KCNG2: variants seen among roughly 807,000 people sequenced by gnomAD.
KCNG2 encodes potassium voltage-gated channel modifier subfamily G member 2.
A neutral mutation model predicts 12.3 loss-of-function variants in KCNG2; 7 were observed. That is an observed-to-expected ratio of 0.57 (90% CI 0.32 to 1.07). KCNG2 has a LOEUF of 1.07. Among genes scored for constraint, KCNG2 ranks in the 50% least tolerant of loss-of-function variants. KCNG2 has a pLI of 0.04. For missense variants in KCNG2, 703 were observed against 726.0 expected, an observed-to-expected ratio of 0.97 and a Z score of 0.36; for synonymous variants, 414 against 351.4, an observed-to-expected ratio of 1.18 and a Z score of -1.99.
chr18:79,874,159 G>A (rs921655337), intron 3 of KCNG2, among the ~76,000 whole-genome samples: 1 of 152,242 alleles, frequency 6.6e-6, no homozygotes, highest in African/African-American at 2.4e-5. Context: ...CACAGGCTGA[G>A]GTAGGGATTC....
At chr18:79,798,477 G>T (rs1454027530) in intron 1 of KCNG2, among the ~76,000 whole-genome samples, 2 of 152,200 alleles carry the variant, frequency 1.3e-5, no homozygotes, top group Non-Finnish European at 2.9e-5. Flanking sequence ...GGGCGCACCC[G>T]GCTCGCGCGG....
At chr18:79,845,077 AC>A (rs2123041336) in intron 1 of KCNG2, among the ~76,000 whole-genome samples, 1 of 152,272 alleles carries the variant, frequency 6.6e-6, no homozygotes, top group East Asian at 1.9e-4. Context: ...ATGGAATACT[AC>A]TCTGCAGTAA....
intron 1 of KCNG2, among the ~76,000 whole-genome samples, chr18:79,849,729 G>A (rs566778471): frequency 9.8e-5 from 15 of 152,370 alleles, no homozygotes; most frequent in African/African-American, 3.6e-4. Flanking sequence ...TTGTTCTTGC[G>A]TGGCTGGGGG....
Position 79,899,448 on chromosome 18 carries a change from C to T in KCNG2, c.1033C>T (p.Arg345Cys), listed in dbSNP as rs945606409. 6 of 1,598,104 alleles carry T rather than the reference C, an allele frequency of 3.8e-6. No individual in the cohort carries two copies. The highest frequency in any genetic ancestry group is 2.3e-5 in the East Asian group (1 of 44,176). The change falls in exon 4 of 4, where the codon CGC (arginine) becomes TGC (cysteine). Residue 345 changes from arginine (R) to cysteine (C), a missense_variant. By Grantham distance (180) the Arg-to-Cys change is radical (BLOSUM62 -3). Transcript: ENST00000316249. Reference protein sequence around the residue: ...LFAPLVHLAERELGARRDFSS... With the variant: ...LFAPLVHLAECELGARRDFSS... Reference sequence around the variant, plus strand: ...CGCGCCACTGGTGCACCTGGCCGAGCGCGAGCTGGGCGCGCGCCGCGACTT... The same window carrying T: ...CGCGCCACTGGTGCACCTGGCCGAGTGCGAGCTGGGCGCGCGCCGCGACTT...
At chr18:79,860,078 C>G (rs1979157839) in intron 2 of KCNG2, among the ~76,000 whole-genome samples, 1 of 152,312 alleles carries the variant, frequency 6.6e-6, no homozygotes, top group East Asian at 1.9e-4. Context: ...AAAGGGGGAG[C>G]AGGCACGTTA....
At chr18:79,888,448 G>A (rs1255429459) in intron 3 of KCNG2, among the ~76,000 whole-genome samples, 3 of 98,270 alleles carry the variant, frequency 3.1e-5, no homozygotes, top group Non-Finnish European at 5.3e-5. Context: ...GGACGGCGGC[G>A]TCCTCCTCAT....
intron 2 of KCNG2, among the ~76,000 whole-genome samples, chr18:79,857,150 C>G (rs1440884766): frequency 7.6e-6 from 1 of 130,946 alleles, no homozygotes; most frequent in Admixed American, 7.3e-5. Flanking sequence ...CAGGCCATGT[C>G]CTTGGCATGG....
chr18:79,865,992 T>C (rs1435725414), intron 3 of KCNG2, among the ~76,000 whole-genome samples: 12 of 123,228 alleles, frequency 9.7e-5, no homozygotes, highest in East Asian at 2.5e-4. Context: ...GTCTGGGTGC[T>C]GAGGTCTGGG....
intron 2 of KCNG2, among the ~76,000 whole-genome samples, chr18:79,858,351 G>A (rs535123309): frequency 1.3e-5 from 2 of 152,284 alleles, no homozygotes; most frequent in East Asian, 3.9e-4. Flanking sequence ...TTTTCTGCCT[G>A]GCTTCTTTCT....
intron 1 of KCNG2, among the ~76,000 whole-genome samples, chr18:79,808,036 A>C (rs1480351235): frequency 2.3e-5 from 3 of 128,732 alleles, no homozygotes; most frequent in Admixed American, 2.3e-4. Context: ...CGCTGACCAC[A>C]CTCCACGTTA....
rs1979328959 is a variant in KCNG2 at position 79,863,853 on chromosome 18, C to T, written c.186C>T (p.Tyr62=). Residue 62 remains tyrosine (Y), a synonymous_variant, in exon 3 of 4, where the codon TAC becomes TAT. Transcript: ENST00000316249. ...ACCTGCTGCGCGTGTGTGACGACTA[C>T]GACGTGAGCCGCGACGAGTTCTTCT... is the stretch of plus-strand genomic sequence containing the variant. The part of the protein sequence containing the change: ...HDDLLRVCDD[Y]DVSRDEFFFD... The T allele has an allele frequency of 2.7e-6, 4 of 1,466,452 alleles. No homozygotes were observed. The highest frequency in any genetic ancestry group is 3.6e-6 in the Non-Finnish European group (4 of 1,106,234). 90.8% of individuals were successfully genotyped at this position (1,466,452 alleles called of 1,614,324 possible).
At chr18:79,873,014 G>C (rs1487899318) in intron 3 of KCNG2, among the ~76,000 whole-genome samples, 1 of 152,194 alleles carries the variant, frequency 6.6e-6, no homozygotes, top group Non-Finnish European at 1.5e-5. Flanking sequence ...TCAGTGTGCA[G>C]AAATAGTGGG....
chr18:79,798,054 CGCG>C (rs1191439617), intron 1 of KCNG2, among the ~76,000 whole-genome samples, 40 bp downstream of exon 1: 2 of 146,104 alleles, frequency 1.4e-5, no homozygotes, highest in Non-Finnish European at 3.0e-5. Flanking sequence ...GTGGGGGGTC[CGCG>C]GCGAAGGAGC....
At chr18:79,871,120 C>G (rs1568264977) in intron 3 of KCNG2, among the ~76,000 whole-genome samples, 1 of 152,142 alleles carries the variant, frequency 6.6e-6, no homozygotes, top group Non-Finnish European at 1.5e-5. Context: ...AGGAGGAGTC[C>G]CTTGCACTGG....
At chr18:79,883,774 C>G (rs1980411802) in intron 3 of KCNG2, among the ~76,000 whole-genome samples, 1 of 152,230 alleles carries the variant, frequency 6.6e-6, no homozygotes, top group South Asian at 2.1e-4. Flanking sequence ...CCTGGGTAAA[C>G]GCTGGCCGGT....
intron 1 of KCNG2, among the ~76,000 whole-genome samples, chr18:79,841,688 G>C (rs1978464314): frequency 6.6e-6 from 1 of 152,168 alleles, no homozygotes; most frequent in Non-Finnish European, 1.5e-5. Flanking sequence ...CAAATTAAAA[G>C]ACAGTGAGGA....
intron 1 of KCNG2, among the ~76,000 whole-genome samples, chr18:79,825,623 G>A (rs1019465530): frequency 1.3e-5 from 2 of 152,202 alleles, no homozygotes; most frequent in Admixed American, 1.3e-4. Flanking sequence ...CTGACGGGGC[G>A]CAAGCTTCAG....
chr18:79,859,196 T>C (rs747600460), intron 2 of KCNG2, among the ~76,000 whole-genome samples: 3 of 152,386 alleles, frequency 2.0e-5, no homozygotes, highest in East Asian at 1.9e-4. Flanking sequence ...TTTTGGAGTT[T>C]TAGCTCTTAC....
At chr18:79,813,782 T>G (rs752760700) in intron 1 of KCNG2, among the ~76,000 whole-genome samples, 3 of 152,200 alleles carry the variant, frequency 2.0e-5, no homozygotes, top group Non-Finnish European at 2.9e-5. Context: ...AAAACTGCCC[T>G]GCAAAAGACA....
Sources: allele counts gnomAD v4.1 joint callset (sites outside exome capture counted in the v4.1 genomes callset), GRCh38; gene constraint gnomAD v4.1.1; transcripts MANE v1.5; gene names NCBI Gene and HGNC (gene_info 2026-07-23, HGNC 2026-07-21).